The following SLIT3 variants were observed in gnomAD, a reference collection of about 807,000 sequenced individuals.
SLIT3 encodes slit homolog 3 protein.
SLIT3 carries 68 observed loss-of-function variants against 184.0 expected under a neutral mutation model. That is an observed-to-expected ratio of 0.37 (90% confidence interval 0.30 to 0.45). The LOEUF (loss-of-function observed/expected upper bound fraction) is 0.45, where lower values mean the gene tolerates loss of function less well. Ranked by LOEUF, SLIT3 falls within the 20% of genes least tolerant of loss-of-function variation. The probability of loss-of-function intolerance (pLI) is 1.00; values close to 1 mark genes in which losing one functional copy is unlikely to be tolerated. For missense variants in SLIT3, 1,707 were observed against 2,026.0 expected (o/e 0.84, Z 3.02); for synonymous variants, 831 against 828.6 (o/e 1.00, Z -0.05).
At chr5:168,857,084 A>G (rs996516828) in intron 5 of SLIT3, among the ~76,000 whole-genome samples, 22 of 152,164 alleles carry the variant, frequency 1.4e-4, no homozygotes, top group Admixed American at 3.3e-4. Context: ...CGAGCTAAGT[A>G]AATCCGAAAA....
chr5:168,831,435 A>T (rs184659201), intron 6 of SLIT3, among the ~76,000 whole-genome samples: 2 of 152,242 alleles, frequency 1.3e-5, no homozygotes, highest in African/African-American at 4.8e-5. Flanking sequence ...GGACCGTTTA[A>T]ATTAAAGCTC....
At chr5:168,937,879 CA>C (rs369037381) in intron 4 of SLIT3, among the ~76,000 whole-genome samples, 2 of 140,598 alleles carry the variant, frequency 1.4e-5, no homozygotes, top group African/African-American at 6.3e-5. Flanking sequence ...AATCATTATG[CA>C]TTTTTTTTTT....
intron 5 of SLIT3, among the ~76,000 whole-genome samples, chr5:168,872,344 C>T (rs1406781350): frequency 6.6e-6 from 1 of 152,142 alleles, no homozygotes; most frequent in African/African-American, 2.4e-5. Flanking sequence ...ACACACTTGT[C>T]AAAACCCATC....
At chr5:169,265,309 A>T (rs993404721) in intron 1 of SLIT3, among the ~76,000 whole-genome samples, 31 of 152,348 alleles carry the variant, frequency 2.0e-4, no homozygotes, top group Middle Eastern at 3.4e-3. Flanking sequence ...ATGCAAATTA[A>T]TTGCCAATTT....
intron 3 of SLIT3, among the ~76,000 whole-genome samples, chr5:169,232,175 C>T (rs984700866): frequency 2.0e-5 from 3 of 152,176 alleles, no homozygotes; most frequent in Admixed American, 6.5e-5. Flanking sequence ...TTCTCTTTAG[C>T]GTCTTCTGTG....
intron 23 of SLIT3, among the ~76,000 whole-genome samples, chr5:168,715,861 G>A (rs1365091802): frequency 2.0e-5 from 3 of 151,282 alleles, no homozygotes; most frequent in Non-Finnish European, 4.4e-5. Flanking sequence ...TATTAGAAAT[G>A]GGGTTTTGCC....
chr5:168,834,206 G>T (rs1389327432), intron 6 of SLIT3, among the ~76,000 whole-genome samples: 1 of 152,178 alleles, frequency 6.6e-6, no homozygotes, highest in Admixed American at 6.5e-5. Flanking sequence ...GCTCAGGCAG[G>T]GGAGTGATTT....
At chr5:168,971,785 G>T (rs914048441) in intron 4 of SLIT3, among the ~76,000 whole-genome samples, 1 of 152,182 alleles carries the variant, frequency 6.6e-6, no homozygotes, top group African/African-American at 2.4e-5. Context: ...TCTTCTGAGG[G>T]AAAACCTTTC....
At chr5:169,034,603 A>G (rs1466607917) in intron 4 of SLIT3, among the ~76,000 whole-genome samples, 2 of 152,188 alleles carry the variant, frequency 1.3e-5, no homozygotes, top group South Asian at 2.1e-4. Flanking sequence ...TAAAATTAAC[A>G]TGGCCTTCCA....
intron 4 of SLIT3, among the ~76,000 whole-genome samples, chr5:168,979,316 C>T (rs969323950): frequency 6.6e-6 from 1 of 152,136 alleles, no homozygotes; most frequent in Admixed American, 6.5e-5. Flanking sequence ...GGAGGCCAGA[C>T]AGGCTTGCAA....
chr5:168,765,099 A>C (rs930569594), intron 14 of SLIT3, among the ~76,000 whole-genome samples: 1 of 152,198 alleles, frequency 6.6e-6, no homozygotes, highest in Non-Finnish European at 1.5e-5. Flanking sequence ...CTGACTGCTG[A>C]TCAAAGGCAG....
intron 4 of SLIT3, among the ~76,000 whole-genome samples, chr5:168,888,207 C>A (rs1241860954): frequency 3.3e-5 from 5 of 152,214 alleles, no homozygotes; most frequent in African/African-American, 1.2e-4. Flanking sequence ...TTGGCCTTAG[C>A]CCAATATGAT....
chr5:168,710,822 G>A, intron 25 of SLIT3, 73 bp downstream of exon 25: 2 of 1,304,652 alleles, frequency 1.5e-6, no homozygotes, highest in African/African-American at 3.0e-5. Context: ...GAGATACCCT[G>A]CTCTGACAGG....
At chr5:168,939,200 G>A (rs1762257536) in intron 4 of SLIT3, among the ~76,000 whole-genome samples, 1 of 152,206 alleles carries the variant, frequency 6.6e-6, no homozygotes, top group African/African-American at 2.4e-5. Flanking sequence ...GCTGCGCTGT[G>A]GGTCAGCGCT....
intron 4 of SLIT3, among the ~76,000 whole-genome samples, chr5:169,019,187 C>A (rs1214070042): frequency 2.0e-5 from 3 of 152,234 alleles, no homozygotes; most frequent in Non-Finnish European, 2.9e-5. Flanking sequence ...CACAAGACTG[C>A]AGATCTCTCT....
chr5:168,674,060 A>G (rs1284263572), intron 32 of SLIT3, among the ~76,000 whole-genome samples: 1 of 152,206 alleles, frequency 6.6e-6, no homozygotes, highest in Non-Finnish European at 1.5e-5. Flanking sequence ...TTTCTAGTAC[A>G]TATAAAACAA....
At position 168,750,136 on chromosome 5, in the gene SLIT3, C is replaced by T. The variant is rs377314988; in HGVS notation, c.1974-501G>A. Among the ~76,000 whole-genome samples the T allele has an allele frequency of 3.0e-4, 46 of 152,274 alleles. 1 individual carries two copies. The East Asian group carries it at 5.6e-3, about 19-fold the overall frequency. On this transcript the variant is annotated intron_variant, in intron 18 of 35. Coordinates refer to ENST00000519560, the MANE Select transcript of SLIT3 (RefSeq NM_003062.4). ...GTGTGCGGTGACTGGTTTCTGTGCT[C>T]GCCTTGCACCTTGGACTCTACATAC...
intron 2 of SLIT3, among the ~76,000 whole-genome samples, chr5:169,247,089 G>A (rs1009962742): frequency 6.6e-6 from 1 of 151,582 alleles, no homozygotes; most frequent in Non-Finnish European, 1.5e-5. Context: ...TTAAGCATGT[G>A]CCTGTAATCC....
At chr5:168,672,899 G>A (rs989686478) in intron 33 of SLIT3, among the ~76,000 whole-genome samples, 2 of 152,194 alleles carry the variant, frequency 1.3e-5, no homozygotes, top group African/African-American at 4.8e-5. Flanking sequence ...CTTCAGCAGA[G>A]CCTAGACCCT....
Sources: gnomAD v4.1 joint callset for allele counts (sites outside exome capture counted in the v4.1 genomes callset) on GRCh38, gnomAD v4.1.1 for gene constraint, MANE v1.5 for transcripts, NCBI Gene and HGNC (gene_info 2026-07-23, HGNC 2026-07-21) for gene names.